The following CACNA1A variants were observed in gnomAD, a reference collection of about 807,000 sequenced individuals.
CACNA1A encodes calcium voltage-gated channel subunit alpha1 A, also known as voltage-dependent P/Q-type calcium channel subunit alpha-1A.
A neutral mutation model predicts 262.4 loss-of-function variants in CACNA1A; 57 were observed. That is an observed-to-expected ratio of 0.22 (90% CI 0.18 to 0.27). CACNA1A has a LOEUF of 0.27. Among genes scored for constraint, CACNA1A ranks in the 10% least tolerant of loss-of-function variants. CACNA1A has a pLI of 1.00. For missense variants in CACNA1A, 2,526 were observed against 3,562.8 expected, an observed-to-expected ratio of 0.71 and a Z score of 7.41; for synonymous variants, 1,431 against 1,419.3, an observed-to-expected ratio of 1.01 and a Z score of -0.18.
rs150660991 is a variant in CACNA1A at position 13,350,124 on chromosome 19, G to A, written c.978+9482C>T. 1.0e-3 allele frequency among the ~76,000 whole-genome samples: 153 copies of A among 152,280 alleles called. No homozygotes were observed. The Middle Eastern group carries it at 0.017, about 17-fold the overall frequency. ...TCCTTGGGTATGGACAGAAACTCAC[G>A]CCATCCCAAAGCTCTTAGGGGGTAG... On this transcript the variant is annotated intron_variant, in intron 6 of 46. Transcript: ENST00000360228.
In CACNA1A at chr19:13,261,628, CAG is replaced by C. The variant is rs1185603920; in HGVS notation, c.4090-20_4090-19del. 19 of 1,603,468 alleles carry C rather than the reference CAG, an allele frequency of 1.2e-5. No individual in the cohort carries two copies. The highest frequency in any genetic ancestry group is 1.6e-5 in the Non-Finnish European group (19 of 1,175,192). ...AACACAGCCTGTGGGGTGGAGTTGA[CAG>C]AGAGCATGAGGGGCTGGGGACCTGC... On this transcript the variant is annotated intron_variant, in intron 25 of 46. Transcript: ENST00000360228.
At chr19:13,234,350 C>CAAAA (rs71168693) in intron 34 of CACNA1A, among the ~76,000 whole-genome samples, 136 of 71,186 alleles carry the variant, frequency 1.9e-3, no homozygotes, top group African/African-American at 2.3e-3. Flanking sequence ...ACTCCATCTC[C>CAAAA]AAAAAAAAAA....
At chr19:13,222,755 C>T (rs1035653123) in intron 38 of CACNA1A, among the ~76,000 whole-genome samples, 1 of 149,508 alleles carries the variant, frequency 6.7e-6, no homozygotes, top group African/African-American at 2.5e-5. Context: ...AGTTCAGTGG[C>T]GCGATCTTGG....
At chr19:13,407,974 C>T (rs554781998) in intron 3 of CACNA1A, among the ~76,000 whole-genome samples, 3 of 152,100 alleles carry the variant, frequency 2.0e-5, no homozygotes, top group Non-Finnish European at 4.4e-5. Context: ...GCACTCCCCC[C>T]CTCACTCTCT....
intron 12 of CACNA1A, among the ~76,000 whole-genome samples, chr19:13,309,692 CAAATAAAATAAAAAATA>C (rs2057978052): frequency 6.6e-6 from 1 of 151,490 alleles, no homozygotes; most frequent in African/African-American, 2.4e-5. Flanking sequence ...GACCCTATCT[CAAATAAAATAAAAAATA>C]AAATAAAATA....
chr19:13,298,571 T>A lies in CACNA1A; in HGVS notation c.3062A>T (p.Asp1021Val). ...CCTCCTCCGATGCCTCCGCTCCTTG[T>A]CCTCCCTCCGCGCGTCCCCCTCGTA... ...ATYEGDARREDKERRHRRRKE... is the reference protein window; with the variant it reads ...ATYEGDARREVKERRHRRRKE... The change falls in exon 19 of 47, where the codon GAC becomes GTC. Residue 1021 changes from aspartate to valine, a missense_variant. Physicochemically the swap from Asp to Val is radical, Grantham distance 152. This residue lies in a region of CACNA1A where 765 missense variants were observed against 748.6 expected (regional missense o/e 1.02). Coordinates refer to ENST00000360228, the MANE Select transcript of CACNA1A (RefSeq NM_001127222.2). The A allele has an allele frequency of 6.5e-7, 1 of 1,543,464 alleles. No homozygotes were observed. Among genetic ancestry groups the A allele is most frequent in the Non-Finnish European group, 8.7e-7 (1 of 1,143,006 alleles).
chr19:13,283,511 C>A, intron 21 of CACNA1A, 115 bp from the exon 22 acceptor site: 1 of 1,362,312 alleles, frequency 7.3e-7, no homozygotes, highest in Non-Finnish European at 1.0e-6. Flanking sequence ...CCCAAGGCCT[C>A]CTACACAACA....
intron 21 of CACNA1A, chr19:13,283,948 AAGTT>A (rs2144874691): frequency 6.5e-6 from 1 of 152,714 alleles, no homozygotes; most frequent in South Asian, 2.1e-4. Flanking sequence ...GGGCTCCAAA[AAGTT>A]AGTTATTGAA....
intron 6 of CACNA1A, among the ~76,000 whole-genome samples, chr19:13,336,647 T>C (rs1230413432): frequency 1.7e-5 from 1 of 58,888 alleles, no homozygotes; most frequent in Non-Finnish European, 4.0e-5. Context: ...GAGAAAAGAA[T>C]GATAAAAGCC....
chr19:13,301,067 C>T (rs951934341), intron 17 of CACNA1A, among the ~76,000 whole-genome samples: 2 of 152,174 alleles, frequency 1.3e-5, no homozygotes, highest in African/African-American at 4.8e-5. Context: ...CCCACCTCAG[C>T]CTCCCAAGCA....
intron 15 of CACNA1A, among the ~76,000 whole-genome samples, chr19:13,306,369 A>T (rs1178019910): frequency 6.6e-6 from 1 of 151,604 alleles, no homozygotes; most frequent in East Asian, 1.9e-4. Flanking sequence ...TGTATTAGCC[A>T]TTTTTTTTCT....
chr19:13,493,563 G>C (rs1356935177), intron 1 of CACNA1A, among the ~76,000 whole-genome samples: 2 of 152,212 alleles, frequency 1.3e-5, no homozygotes, highest in African/African-American at 4.8e-5. Context: ...CCATTTAACT[G>C]TTCTTTCTCT....
intron 6 of CACNA1A, among the ~76,000 whole-genome samples, chr19:13,358,140 G>A (rs1043549493): frequency 1.3e-5 from 2 of 152,248 alleles, no homozygotes; most frequent in African/African-American, 4.8e-5. Context: ...GAAGAGGTAC[G>A]TGCAACATGC....
At chr19:13,395,986 C>T (rs910725718) in intron 3 of CACNA1A, among the ~76,000 whole-genome samples, 1 of 152,272 alleles carries the variant, frequency 6.6e-6, no homozygotes, top group African/African-American at 2.4e-5. Flanking sequence ...TTCTACACCG[C>T]TGTCCATACT....
intron 1 of CACNA1A, among the ~76,000 whole-genome samples, chr19:13,467,166 A>C (rs2061260903): frequency 6.6e-6 from 1 of 152,186 alleles, no homozygotes; most frequent in Non-Finnish European, 1.5e-5. Flanking sequence ...AATTTGAAAG[A>C]CAAACACGAA....
chr19:13,227,406 T>G, intron 37 of CACNA1A, 25 bp downstream of exon 37: 1 of 1,301,084 alleles, frequency 7.7e-7, no homozygotes, highest in Non-Finnish European at 1.1e-6. Flanking sequence ...TGCCTGGACG[T>G]CGGTGGTCGG....
At position 13,403,306 on chromosome 19, in the gene CACNA1A, C is replaced by T. The variant is rs147264282; in HGVS notation, c.540-31527G>A. 1.0e-3 allele frequency among the ~76,000 whole-genome samples: 156 copies of T among 152,148 alleles called. No individual in the cohort carries two copies. The East Asian group carries it at 0.012, about 12-fold the overall frequency. On this transcript the variant is annotated intron_variant, in intron 3 of 46. Transcript: ENST00000360228. ...CCTGGGACATTCTAAGAGGTTTATA[C>T]ATATGAACTCATTTGCATGCTCAAA...
chr19:13,474,614 C>T (rs979429518), intron 1 of CACNA1A, among the ~76,000 whole-genome samples: 2 of 152,092 alleles, frequency 1.3e-5, no homozygotes, highest in Non-Finnish European at 2.9e-5. Flanking sequence ...GTCAGGAGTT[C>T]GAGACCAGCC....
chr19:13,413,926 A>AGAAAGAAAGAAAGAAG, intron 3 of CACNA1A, among the ~76,000 whole-genome samples: 1 of 144,914 alleles, frequency 6.9e-6, no homozygotes, highest in African/African-American at 2.6e-5. Flanking sequence ...AAAGAAAGAA[A>AGAAAGAAAGAAAGAAG]GAAAGAAAGA....
Sources: gnomAD v4.1 joint callset for allele counts (sites outside exome capture counted in the v4.1 genomes callset) on GRCh38, gnomAD v4.1.1 for gene constraint, gnomAD v4.1.1 regional missense constraint, MANE v1.5 for transcripts, NCBI Gene and HGNC (gene_info 2026-07-23, HGNC 2026-07-21) for gene names.